Variants in AQP7 observed in about 807,000 individuals in gnomAD.
The protein encoded by AQP7 is aquaporin 7, also known as aquaporin-7.
In AQP7, 22 loss-of-function variants were observed where a neutral mutation model predicts 26.1. The observed-to-expected ratio is 0.84, with a 90% CI of 0.60 to 1.20. The LOEUF (loss-of-function observed/expected upper bound fraction) is 1.20. AQP7 is among the 50% of genes most tolerant of loss of function. The probability of loss-of-function intolerance (pLI) is 0.00; values close to 1 mark genes in which losing one functional copy is unlikely to be tolerated. For missense variants in AQP7, 412 were observed against 457.5 expected, an observed-to-expected ratio of 0.90 and a Z score of 0.91; for synonymous variants, 167 against 181.7, an observed-to-expected ratio of 0.92 and a Z score of 0.65.
intron 2 of AQP7, among the ~76,000 whole-genome samples, chr9:33,399,879 C>G (rs1826129595): frequency 6.6e-6 from 1 of 151,968 alleles, no homozygotes; most frequent in African/African-American, 2.4e-5. Flanking sequence ...TGTGCACATT[C>G]TAGATATTTT....
At chr9:33,396,813 T>A (rs1825886214) in intron 2 of AQP7, among the ~76,000 whole-genome samples, 1 of 150,732 alleles carries the variant, frequency 6.6e-6, no homozygotes. Flanking sequence ...TAGTAATTGC[T>A]CAGTTAGGCC....
Position 33,385,885 on chromosome 9 carries a change from G to A in AQP7, c.526-19C>T. 6.3e-7 allele frequency: 1 copy of A among 1,596,958 alleles called. No homozygotes were observed. The highest frequency in any genetic ancestry group is 8.6e-7 in the Non-Finnish European group (1 of 1,169,180). ...GCCACGCCTGAGGAGCAGATGCTGT[G>A]GCAGCTCACCTGGGCCCCTCCCCAA... On this transcript the variant is annotated intron_variant, in intron 6 of 7. Transcript: ENST00000297988.
At chr9:33,385,580 C>A (rs1392211076) in intron 7 of AQP7, 69 bp downstream of exon 7, 2 of 1,567,926 alleles carry the variant, frequency 1.3e-6, no homozygotes, top group Non-Finnish European at 1.7e-6. Context: ...CTCACATCAC[C>A]CCCCACCCCT....
intron 4 of AQP7, 47 bp downstream of exon 4, chr9:33,386,922 G>C: frequency 1.2e-6 from 2 of 1,607,810 alleles, no homozygotes; most frequent in Non-Finnish European, 1.7e-6. Flanking sequence ...AGAGCCTGTT[G>C]GGGACACCTG....
At chr9:33,392,032 G>A (rs1825455437) in intron 3 of AQP7, among the ~76,000 whole-genome samples, 3 of 152,176 alleles carry the variant, frequency 2.0e-5, no homozygotes, top group Non-Finnish European at 4.4e-5. Context: ...TGTGATACTG[G>A]GCCGGGCACG....
intron 3 of AQP7, among the ~76,000 whole-genome samples, chr9:33,387,586 G>C (rs1478453499): frequency 8.5e-5 from 13 of 152,112 alleles, no homozygotes; most frequent in South Asian, 2.1e-4. Flanking sequence ...GAACAGTGGG[G>C]CCCTAACTGT....
Position 33,383,606 on chromosome 9 carries a change from G to GCCC in AQP7, c.*1398_*1399insGGG, listed in dbSNP as rs1482609800. The GCCC allele has an allele frequency of 6.6e-6, 1 of 152,366 alleles. No individual in the cohort carries two copies. Among genetic ancestry groups the GCCC allele is most frequent in the Non-Finnish European group, 1.5e-5 (1 of 68,276 alleles). 9.4% of individuals were successfully genotyped at this position (152,366 alleles called of 1,614,324 possible). The stretch of plus-strand genomic sequence containing the variant: ...GTGCTGACCCATTGTTAGGTGCCCG[G>GCCC]CTGCTGCTCCTGGGTCATCACTTTC... On this transcript the variant is annotated 3_prime_UTR_variant, in exon 8 of 8. Transcript: ENST00000297988.
In AQP7 at chr9:33,385,005, T is replaced by C; in HGVS notation, c.1029A>G (p.Ter343=). ...LHESMALEHF[*] is the part of the protein sequence containing the mutation. ...GGATGGGATCACAAATAATCTCTGCTTAGAAGTGCTCTAGGGCCATGGATT... is the reference window on the plus strand; with the variant it reads ...GGATGGGATCACAAATAATCTCTGCCTAGAAGTGCTCTAGGGCCATGGATT... Residue 343 remains the stop codon, a stop_retained_variant, in exon 8 of 8, where the codon TAA becomes TAG. Transcript: ENST00000297988. 6.2e-7 allele frequency: 1 copy of C among 1,608,008 alleles called. No individual in the cohort carries two copies. The highest frequency in any genetic ancestry group is 1.7e-5 in the Admixed American group (1 of 59,824).
chr9:33,393,682 C>T (rs895109493), intron 3 of AQP7: 3 of 152,304 alleles, frequency 2.0e-5, no homozygotes, highest in Non-Finnish European at 4.4e-5. Flanking sequence ...GGAGCAACCT[C>T]ACATCCCGCC....
rs556865361 is a variant in AQP7 at position 33,400,015 on chromosome 9, G to T, written c.26+1222C>A. 5.3e-5 allele frequency among the ~76,000 whole-genome samples: 8 copies of T among 152,256 alleles called. No homozygotes were observed. The South Asian group carries it at 1.7e-3, about 32-fold the overall frequency. On this transcript the variant is annotated intron_variant, in intron 2 of 7. Coordinates refer to ENST00000297988, the MANE Select transcript of AQP7 (RefSeq NM_001170.3). The stretch of plus-strand genomic sequence containing the variant: ...CTGAGCCAAGAGCACAGGAGGAGTG[G>T]ACTTGCAGGGGGCGGAGGAGGCTGT...
intron 2 of AQP7, among the ~76,000 whole-genome samples, chr9:33,399,071 T>G (rs1298609141): frequency 6.8e-6 from 1 of 147,716 alleles, no homozygotes; most frequent in Non-Finnish European, 1.5e-5. Flanking sequence ...CTTCCCAGGG[T>G]TCAAGCAATC....
intron 3 of AQP7, among the ~76,000 whole-genome samples, chr9:33,390,833 T>C (rs1387296902): frequency 3.3e-5 from 5 of 152,132 alleles, no homozygotes; most frequent in African/African-American, 1.2e-4. Context: ...GAGCATAGGC[T>C]GGGCGCGGTG....
intron 2 of AQP7, among the ~76,000 whole-genome samples, chr9:33,397,485 C>T (rs990179170): frequency 1.3e-5 from 2 of 150,126 alleles, no homozygotes; most frequent in Non-Finnish European, 3.0e-5. Context: ...AGTGGATTAT[C>T]CGCGCAACTC....
At chr9:33,396,945 A>G (rs1293297269) in intron 2 of AQP7, among the ~76,000 whole-genome samples, 1 of 151,548 alleles carries the variant, frequency 6.6e-6, no homozygotes, top group South Asian at 2.1e-4. Flanking sequence ...AAAAAAAAAT[A>G]CAAAAATTAG....
At position 33,385,261 on chromosome 9, in the gene AQP7, A is replaced by C; in HGVS notation, c.773T>G (p.Val258Gly). 6.2e-7 allele frequency: 1 copy of C among 1,611,318 alleles called. No individual in the cohort carries two copies. ...ATAGGCACCCAGAAGTGGTGCCACC[A>C]CTGGCACCCACCACCAGTTCTCCCC... ...SNGENWWWVP[V>G]VAPLLGAYLG... The change falls in exon 8 of 8, where the codon GTG becomes GGG. Residue 258 changes from valine to glycine, a missense_variant. By Grantham distance (109) the Val-to-Gly change is moderately radical (BLOSUM62 -3). Transcript: ENST00000297988.
In AQP7 at chr9:33,386,263, G is replaced by T. The variant is rs767481843; in HGVS notation, c.407-68C>A. ...GCCCCACCGGGGTCCCAGAAATGAG[G>T]TTATAGGTTAGAGGGTGGGGGATCT... On this transcript the variant is annotated intron_variant, in intron 5 of 7. Transcript: ENST00000297988. 5.6e-6 allele frequency: 9 copies of T among 1,608,456 alleles called. No homozygotes were observed. The South Asian group carries it at 6.6e-5, about 12-fold the overall frequency.
In AQP7 at chr9:33,400,978, T is replaced by A. The variant is rs1477243610; in HGVS notation, c.26+259A>T. The A allele has an allele frequency of 8.8e-5, 48 of 543,242 alleles. No individual in the cohort carries two copies. In the Admixed American group the frequency reaches 1.5e-3, roughly 17 times the overall value. The allele number at this position is 543,242 out of a possible 1,614,324, so 33.7% of individuals were successfully genotyped here. Reference sequence around the variant, plus strand: ...AGAGGGTGAGAGGTGCTGAGTGCAGTTGAGTTGAAGGCCACCTGCATGCCT... The same window carrying A: ...AGAGGGTGAGAGGTGCTGAGTGCAGATGAGTTGAAGGCCACCTGCATGCCT... On this transcript the variant is annotated intron_variant, in intron 2 of 7. Coordinates refer to ENST00000297988, the MANE Select transcript of AQP7 (RefSeq NM_001170.3).
chr9:33,401,159 G>A, intron 2 of AQP7, 78 bp downstream of exon 2: 2 of 1,483,250 alleles, frequency 1.3e-6, no homozygotes, highest in Non-Finnish European at 1.8e-6. Context: ...AGAGGCTGAG[G>A]ATGGAACAGG....
rs1215771375 is a variant in AQP7, at chr9:33,386,438, G to A, written c.372C>T (p.Phe124=). 6.2e-7 allele frequency: 1 copy of A among 1,611,104 alleles called. No homozygotes were observed. Among genetic ancestry groups the A allele is most frequent in the African/African-American group, 1.3e-5 (1 of 75,052 alleles). Residue 124 remains phenylalanine, a synonymous_variant, in exon 5 of 8, where the codon TTC becomes TTT. Transcript: ENST00000297988. ...VYVLGQFLGS[F]LAAATIYSLF... ...GACTGTAGATGGTGGCAGCCGCCAG[G>A]AAGGAGCCCAGGAACTGCCCCAGCA...
Sources: gnomAD v4.1 joint callset for allele counts (sites outside exome capture counted in the v4.1 genomes callset) on GRCh38, gnomAD v4.1.1 for gene constraint, MANE v1.5 for transcripts, NCBI Gene and HGNC (gene_info 2026-07-23, HGNC 2026-07-21) for gene names.